FAM20C: variants seen among roughly 807,000 people sequenced by gnomAD.
FAM20C encodes the protein FAM20C golgi associated secretory pathway kinase, also known as extracellular serine/threonine protein kinase FAM20C.
FAM20C carries 40 observed loss-of-function variants against 51.5 expected under a neutral mutation model. The ratio of observed to expected loss-of-function variants is 0.78; its 90% CI spans 0.60 to 1.01. FAM20C has a LOEUF of 1.01. Ranked by LOEUF, FAM20C falls within the 50% of genes least tolerant of loss-of-function variation. The pLI is 0.00. For missense variants in FAM20C, 861 were observed against 844.7 expected, an observed-to-expected ratio of 1.02 and a Z score of -0.24; for synonymous variants, 406 against 380.6, an observed-to-expected ratio of 1.07 and a Z score of -0.78.
intron 3 of FAM20C, chr7:228,864 G>C (rs1174648774): frequency 2.2e-6 from 1 of 453,012 alleles, no homozygotes; most frequent in African/African-American, 2.0e-5. Context: ...ACTGCATGCT[G>C]GCTGGAGGGT....
chr7:196,384 C>A (rs1021631802), intron 2 of FAM20C, among the ~76,000 whole-genome samples: 1 of 152,208 alleles, frequency 6.6e-6, no homozygotes, highest in African/African-American at 2.4e-5. Context: ...AGCTTCTGAG[C>A]GTGGAGGTTT....
intron 3 of FAM20C, among the ~76,000 whole-genome samples, chr7:218,073 C>T (rs971700562): frequency 6.6e-6 from 1 of 152,192 alleles, no homozygotes; most frequent in African/African-American, 2.4e-5. Context: ...ACGCTCAGGC[C>T]TGCTGCCTGT....
intron 3 of FAM20C, among the ~76,000 whole-genome samples, chr7:234,496 C>G (rs1787793117): frequency 1.3e-5 from 2 of 152,150 alleles, no homozygotes; most frequent in Non-Finnish European, 2.9e-5. Context: ...CGGGACTCCT[C>G]TGAGCCCTGG....
intron 2 of FAM20C, among the ~76,000 whole-genome samples, chr7:202,040 G>C (rs549298268): frequency 6.6e-6 from 1 of 152,358 alleles, no homozygotes; most frequent in South Asian, 2.1e-4. Flanking sequence ...ATTCTTCAGC[G>C]AGGCCGGGGA....
At chr7:248,843 G>A (rs567427904) in intron 5 of FAM20C, among the ~76,000 whole-genome samples, 28 of 150,018 alleles carry the variant, frequency 1.9e-4, no homozygotes, top group African/African-American at 4.3e-4. Context: ...AGCCTGGCAC[G>A]GGGGCCCGCA....
chr7:204,201 G>A (rs111527818), intron 2 of FAM20C, among the ~76,000 whole-genome samples: 2,020 of 152,136 alleles, frequency 0.013, 55 homozygotes, highest in African/African-American at 0.045. Flanking sequence ...AAAATCATAC[G>A]CTGTTTGCTG....
At position 212,500 on chromosome 7, in the gene FAM20C, C is replaced by G. The variant is rs539850207; in HGVS notation, c.863+3524C>G. On this transcript the variant is annotated intron_variant, in intron 3 of 9. Transcript: ENST00000313766. Reference sequence around the variant, plus strand: ...TTTCTTTAGTAAAGGACTTTGCTCTCTGCGCTCATCACGGCTCGGTGAGTT... The same window carrying G: ...TTTCTTTAGTAAAGGACTTTGCTCTGTGCGCTCATCACGGCTCGGTGAGTT... Among the ~76,000 whole-genome samples, 9 of 152,322 alleles carry G rather than the reference C, an allele frequency of 5.9e-5. 1 individual carries two copies. The highest frequency in any genetic ancestry group is 5.2e-4 in the Admixed American group (8 of 15,292).
chr7:223,736 G>A (rs1030166935), intron 3 of FAM20C, among the ~76,000 whole-genome samples: 4 of 152,240 alleles, frequency 2.6e-5, no homozygotes, highest in South Asian at 2.1e-4. Context: ...TGGCCTTGCC[G>A]GCCCCAGGTA....
chr7:203,763 C>T (rs1450975299), intron 2 of FAM20C, among the ~76,000 whole-genome samples: 3 of 152,142 alleles, frequency 2.0e-5, no homozygotes, highest in Non-Finnish European at 2.9e-5. Flanking sequence ...GGACCTGCTT[C>T]CAGACGAAGA....
intron 3 of FAM20C, among the ~76,000 whole-genome samples, chr7:213,441 G>A (rs962929824): frequency 7.9e-5 from 12 of 152,174 alleles, no homozygotes; most frequent in African/African-American, 1.4e-4. Context: ...TCTGGAGTCC[G>A]GCATTGCATA....
At chr7:208,400 G>GTGA (rs1229507562) in intron 2 of FAM20C, among the ~76,000 whole-genome samples, 1 of 132,586 alleles carries the variant, frequency 7.5e-6, no homozygotes, top group African/African-American at 2.5e-5. Context: ...CATGACTGTG[G>GTGA]GGTGTGTGCT....
At chr7:222,775 G>T (rs531105626) in intron 3 of FAM20C, among the ~76,000 whole-genome samples, 1 of 152,312 alleles carries the variant, frequency 6.6e-6, no homozygotes, top group East Asian at 1.9e-4. Flanking sequence ...TGTATGAGTA[G>T]GTGAGCGTGT....
Position 248,317 on chromosome 7 carries a change from TC to T in FAM20C, c.961del (p.Leu321TrpfsTer16), listed in dbSNP as rs1266901475. ...AEIAAFHLDR[I>X]LDFRRVPPVA... is the part of the protein sequence containing the mutation. ...ATTCCCCGCCCGTTTCTTGCCAGGA[TC>T]CTGGACTTCCGCCGGGTCCCTCCCG... On this transcript the variant is annotated frameshift_variant, in exon 5 of 10. Transcript: ENST00000313766. LOFTEE classifies it high-confidence loss of function. 1 of 1,531,070 alleles carries T rather than the reference TC, an allele frequency of 6.5e-7. No homozygotes were observed. The highest frequency in any genetic ancestry group is 8.7e-7 in the Non-Finnish European group (1 of 1,144,284). The allele number at this position is 1,531,070 out of a possible 1,614,324, so 94.8% of individuals were successfully genotyped here.
chr7:252,144 C>T (rs1407189398), intron 5 of FAM20C, among the ~76,000 whole-genome samples: 4 of 152,258 alleles, frequency 2.6e-5, no homozygotes, highest in African/African-American at 9.6e-5. Context: ...GCCAGGTGAC[C>T]TCAGAGGCCC....
intron 3 of FAM20C, among the ~76,000 whole-genome samples, chr7:234,216 C>T (rs1358395759): frequency 2.6e-5 from 4 of 152,256 alleles, no homozygotes; most frequent in African/African-American, 7.2e-5. Flanking sequence ...CCGGTTCTGC[C>T]GAGTCCCCCT....
chr7:237,597 T>C (rs1214343876), intron 3 of FAM20C, among the ~76,000 whole-genome samples: 1 of 151,998 alleles, frequency 6.6e-6, no homozygotes, highest in African/African-American at 2.4e-5. Context: ...GTGATGATGA[T>C]GGAGGTAATG....
At position 219,786 on chromosome 7, in the gene FAM20C, C is replaced by T. The variant is rs534687666; in HGVS notation, c.863+10810C>T. Among the ~76,000 whole-genome samples, 2 of 152,112 alleles carry T rather than the reference C, an allele frequency of 1.3e-5. 1 individual carries two copies. Among genetic ancestry groups the T allele is most frequent in the African/African-American group, 4.8e-5 (2 of 41,394 alleles). Reference sequence around the variant, plus strand: ...CTCCTAGAGCCCATGAACTAAGGCTCGGGGAAACAAAATGGTTTTGAGGAC... The same window carrying T: ...CTCCTAGAGCCCATGAACTAAGGCTTGGGGAAACAAAATGGTTTTGAGGAC... On this transcript the variant is annotated intron_variant, in intron 3 of 9. Transcript: ENST00000313766.
chr7:217,418 G>T (rs1381511200), intron 3 of FAM20C, among the ~76,000 whole-genome samples: 1 of 152,262 alleles, frequency 6.6e-6, no homozygotes, highest in Non-Finnish European at 1.5e-5. Context: ...CCCCTTTAGG[G>T]TAGAGCTGCA....
chr7:228,166 G>C (rs779471120), intron 3 of FAM20C: 1 of 319,682 alleles, frequency 3.1e-6, no homozygotes, highest in Non-Finnish European at 6.2e-6. Flanking sequence ...CACCAGGGGG[G>C]AAAGCCATCC....
Sources: allele counts gnomAD v4.1 joint callset (sites outside exome capture counted in the v4.1 genomes callset), GRCh38; gene constraint gnomAD v4.1.1; transcripts MANE v1.5; gene names NCBI Gene and HGNC (gene_info 2026-07-23, HGNC 2026-07-21).